The following GTF2F2 variants were observed in gnomAD, a reference collection of about 807,000 sequenced individuals.
GTF2F2 encodes general transcription factor IIF subunit 2.
In GTF2F2, 23 loss-of-function variants were observed where a neutral mutation model predicts 42.2. That is an observed-to-expected ratio of 0.55 (90% confidence interval 0.39 to 0.77). GTF2F2 has a LOEUF of 0.77. Ranked by LOEUF, GTF2F2 falls within the 30% of genes least tolerant of loss-of-function variation. GTF2F2 has a pLI of 0.00. For missense variants in GTF2F2, 261 were observed against 287.2 expected (o/e 0.91, Z 0.66); for synonymous variants, 105 against 100.8 (o/e 1.04, Z -0.25).
intron 2 of GTF2F2, among the ~76,000 whole-genome samples, chr13:45,137,990 G>A (rs1369877240): frequency 6.6e-6 from 1 of 152,056 alleles, no homozygotes; most frequent in East Asian, 1.9e-4. Context: ...AATCGGCCAC[G>A]TCCACATTCC....
chr13:45,207,261 C>T (rs2138189011), intron 4 of GTF2F2, 163 bp from the exon 5 acceptor site: 2 of 523,970 alleles, frequency 3.8e-6, no homozygotes, highest in East Asian at 5.9e-5. Flanking sequence ...AAGAATAAGG[C>T]TTCTCTCTGT....
chr13:45,155,464 C>T (rs747694027), intron 4 of GTF2F2, among the ~76,000 whole-genome samples: 129 of 152,256 alleles, frequency 8.5e-4, no homozygotes, highest in African/African-American at 2.5e-3. Flanking sequence ...TAACTTTACT[C>T]CTGTTAATGT....
intron 6 of GTF2F2, among the ~76,000 whole-genome samples, chr13:45,258,373 AAAG>A (rs532093233): frequency 1.3e-5 from 2 of 151,970 alleles, no homozygotes; most frequent in Admixed American, 1.3e-4. Flanking sequence ...AAAAAAAAAA[AAAG>A]AAGAAAAATC....
chr13:45,203,729 T>G (rs912984463), intron 4 of GTF2F2, among the ~76,000 whole-genome samples: 1 of 152,220 alleles, frequency 6.6e-6, no homozygotes, highest in African/African-American at 2.4e-5. Flanking sequence ...TACTAGAGAT[T>G]AACCTATTAC....
intron 5 of GTF2F2, among the ~76,000 whole-genome samples, chr13:45,228,556 C>G (rs184332636): frequency 6.6e-6 from 1 of 151,098 alleles, no homozygotes; most frequent in African/African-American, 2.4e-5. Flanking sequence ...CACCGTTCTT[C>G]CCTTTAACCA....
At chr13:45,217,389 C>T (rs867929655) in intron 5 of GTF2F2, among the ~76,000 whole-genome samples, 21 of 151,900 alleles carry the variant, frequency 1.4e-4, no homozygotes, top group African/African-American at 5.1e-4. Context: ...CACCAAACTC[C>T]AGCTACACTT....
intron 7 of GTF2F2, 100 bp from the exon 8 acceptor site, chr13:45,283,342 T>A (rs548620788): frequency 9.4e-7 from 1 of 1,063,070 alleles, no homozygotes; most frequent in South Asian, 1.7e-5. Flanking sequence ...AGGATCATAA[T>A]TTTTATGGCT....
intron 4 of GTF2F2, among the ~76,000 whole-genome samples, chr13:45,172,680 T>C (rs1264891014): frequency 6.6e-6 from 1 of 152,220 alleles, no homozygotes; most frequent in Non-Finnish European, 1.5e-5. Flanking sequence ...GCTATCCAGT[T>C]TTTCCAGCAC....
chr13:45,196,187 A>G (rs1266109129), intron 4 of GTF2F2, among the ~76,000 whole-genome samples: 3 of 152,244 alleles, frequency 2.0e-5, no homozygotes, highest in East Asian at 3.8e-4. Flanking sequence ...AAATCGAACT[A>G]GAAAACTAAG....
intron 5 of GTF2F2, among the ~76,000 whole-genome samples, chr13:45,220,183 A>C (rs560065840): frequency 6.6e-6 from 1 of 152,316 alleles, no homozygotes; most frequent in South Asian, 2.1e-4. Context: ...CAAGCTGCCC[A>C]GGGTTTGATC....
intron 4 of GTF2F2, among the ~76,000 whole-genome samples, chr13:45,161,636 G>A (rs1871042236): frequency 6.6e-6 from 1 of 152,186 alleles, no homozygotes; most frequent in South Asian, 2.1e-4. Flanking sequence ...GAGGTCAGGA[G>A]TTCAAGACCA....
At chr13:45,175,649 G>T (rs1292811725) in intron 4 of GTF2F2, among the ~76,000 whole-genome samples, 1 of 152,002 alleles carries the variant, frequency 6.6e-6, no homozygotes, top group Non-Finnish European at 1.5e-5. Context: ...TGAGATGAAG[G>T]TTCGCTCTTT....
intron 5 of GTF2F2, among the ~76,000 whole-genome samples, chr13:45,241,359 T>C (rs1033462597): frequency 6.6e-6 from 1 of 152,078 alleles, no homozygotes; most frequent in Non-Finnish European, 1.5e-5. Context: ...TTCTCTCTCT[T>C]ATGTTCTACT....
chr13:45,129,270 A>C (rs1263212922), intron 1 of GTF2F2, among the ~76,000 whole-genome samples: 2 of 152,166 alleles, frequency 1.3e-5, no homozygotes, highest in East Asian at 3.9e-4. Context: ...GTGCAGTGGC[A>C]CGATCATGGT....
At chr13:45,250,002 A>G (rs1875808224) in intron 5 of GTF2F2, among the ~76,000 whole-genome samples, 1 of 150,650 alleles carries the variant, frequency 6.6e-6, no homozygotes, top group Admixed American at 6.6e-5. Context: ...AAGCTTTGAC[A>G]TAACTTTCCT....
At chr13:45,124,098 C>T in intron 1 of GTF2F2, 1 of 838,462 alleles carries the variant, frequency 1.2e-6, no homozygotes, top group South Asian at 1.3e-5. Flanking sequence ...ATGAACTTGA[C>T]AAAGTGGTCG....
At chr13:45,133,661 C>T (rs1869475388) in intron 1 of GTF2F2, among the ~76,000 whole-genome samples, 1 of 152,156 alleles carries the variant, frequency 6.6e-6, no homozygotes, top group Admixed American at 6.5e-5. Flanking sequence ...AGGCACTAGG[C>T]AAACCTAGAT....
At chr13:45,272,389 C>T in intron 7 of GTF2F2, among the ~76,000 whole-genome samples, 1 of 137,622 alleles carries the variant, frequency 7.3e-6, no homozygotes, top group Middle Eastern at 4.0e-3. Context: ...AACATTTTCC[C>T]TTTTAACTTT....
At chr13:45,165,636 A>T (rs1871258300) in intron 4 of GTF2F2, among the ~76,000 whole-genome samples, 1 of 151,272 alleles carries the variant, frequency 6.6e-6, no homozygotes, top group Non-Finnish European at 1.5e-5. Flanking sequence ...AAAGTAGAGA[A>T]ATAGTACAGT....
Sources: allele counts gnomAD v4.1 joint callset (sites outside exome capture counted in the v4.1 genomes callset), GRCh38; gene constraint gnomAD v4.1.1; transcripts MANE v1.5; gene names NCBI Gene and HGNC (gene_info 2026-07-23, HGNC 2026-07-21).